The following MMP26 variants were observed in gnomAD, a reference collection of about 807,000 sequenced individuals.
MMP26 encodes the protein matrix metallopeptidase 26, also known as matrix metalloproteinase-26.
In MMP26, 33 loss-of-function variants were observed where a neutral mutation model predicts 31.0. The observed-to-expected ratio is 1.06, with a 90% CI of 0.81 to 1.42. MMP26 has a LOEUF of 1.42. Ranked by LOEUF, MMP26 falls within the 40% of genes most tolerant of loss-of-function variation. MMP26 has a pLI of 0.00. For synonymous variants in MMP26, 122 were observed against 114.9 expected (o/e 1.06, Z -0.40); for missense variants, 347 against 316.1 (o/e 1.10, Z -0.74).
At chr11:4,724,246 C>T in intron 1 of MMP26, 3 of 404,558 alleles carry the variant, frequency 7.4e-6, no homozygotes, top group Non-Finnish European at 9.0e-6. Flanking sequence ...GGTCTTATTA[C>T]CATAAGTCTT....
At chr11:4,915,658 G>T in intron 2 of MMP26, 1 of 1,609,940 alleles carries the variant, frequency 6.2e-7, no homozygotes, top group Non-Finnish European at 8.5e-7. Context: ...GGGATCCCAG[G>T]GTCATTGTGT....
Position 4,987,824 on chromosome 11 carries a change from G to T in MMP26, c.-144-244G>T, listed in dbSNP as rs890423162. On this transcript the variant is annotated intron_variant, in intron 2 of 7. Coordinates refer to ENST00000380390, the MANE Select transcript of MMP26 (RefSeq NM_021801.5). ...TCTTTTTAGCTTCTGGAGCAAGATT[G>T]AATGTCTCTGACTGGTAATTATTCT... 2.3e-4 allele frequency among the ~76,000 whole-genome samples: 35 copies of T among 152,234 alleles called. 1 individual carries two copies. The highest frequency in any genetic ancestry group is 3.4e-3 in the Middle Eastern group (1 of 294).
intron 2 of MMP26, chr11:4,860,410 T>C (rs1204330374): frequency 8.5e-6 from 4 of 471,056 alleles, no homozygotes; most frequent in East Asian, 6.9e-5. Flanking sequence ...TGGCTCCACC[T>C]TGATGACAGC....
Position 4,933,479 on chromosome 11 carries a change from A to T in MMP26, c.-144-54589A>T, listed in dbSNP as rs563828806. The stretch of plus-strand genomic sequence containing the variant: ...ACGGTATGTAAAATGATTAAGAAAG[A>T]CAGAAAGATTGATTTTTTTTTTTAA... On this transcript the variant is annotated intron_variant, in intron 2 of 7. Coordinates refer to ENST00000380390, the MANE Select transcript of MMP26 (RefSeq NM_021801.5). 8.4e-5 allele frequency among the ~76,000 whole-genome samples: 3 copies of T among 35,804 alleles called. No individual in the cohort carries two copies. The South Asian group carries it at 1.5e-3, about 18-fold the overall frequency. 23.5% of individuals were successfully genotyped at this position (35,804 alleles called of 152,430 possible).
chr11:4,803,502 G>A (rs531784866), intron 2 of MMP26: 2 of 1,614,080 alleles, frequency 1.2e-6, no homozygotes, highest in African/African-American at 1.3e-5. Context: ...CTCCATAAAT[G>A]ATGGGGTTGA....
intron 2 of MMP26, among the ~76,000 whole-genome samples, chr11:4,781,178 A>G (rs961496282): frequency 6.6e-6 from 1 of 152,194 alleles, no homozygotes; most frequent in African/African-American, 2.4e-5. Flanking sequence ...AGTGTTATCT[A>G]TTTTGATTGT....
intron 2 of MMP26, among the ~76,000 whole-genome samples, chr11:4,779,652 A>G (rs1302250001): frequency 6.6e-6 from 1 of 152,106 alleles, no homozygotes; most frequent in Non-Finnish European, 1.5e-5. Context: ...TTGAATTCAC[A>G]TTTGAATTTC....
chr11:4,975,799 A>G (rs117146238), intron 2 of MMP26, among the ~76,000 whole-genome samples: 1 of 152,066 alleles, frequency 6.6e-6, no homozygotes, highest in East Asian at 1.9e-4. Flanking sequence ...TCTCTAGCGA[A>G]CATTCTCCCA....
At chr11:4,730,404 A>AAGAGACAGAGAGAG (rs141091963) in intron 1 of MMP26, among the ~76,000 whole-genome samples, 2 of 144,950 alleles carry the variant, frequency 1.4e-5, no homozygotes, top group African/African-American at 5.3e-5. Flanking sequence ...GTTTCTGGGA[A>AAGAGACAGAGAGAG]AGAGAGAGAG....
At chr11:4,916,188 T>C (rs1475638726) in intron 2 of MMP26, among the ~76,000 whole-genome samples, 1 of 151,966 alleles carries the variant, frequency 6.6e-6, no homozygotes, top group Non-Finnish European at 1.5e-5. Flanking sequence ...GAGGGAGAAT[T>C]CAGCCTCCCT....
intron 1 of MMP26, among the ~76,000 whole-genome samples, chr11:4,756,212 A>T (rs895066332): frequency 1.3e-5 from 2 of 152,142 alleles, no homozygotes; most frequent in Non-Finnish European, 2.9e-5. Flanking sequence ...ACTTAGTTCA[A>T]TTTGGAGAAT....
At chr11:4,712,925 A>G (rs10836516) in intron 1 of MMP26, among the ~76,000 whole-genome samples, 80,898 of 151,736 alleles carry the variant, frequency 0.53, 23,395 homozygotes, top group Non-Finnish European at 0.63. Context: ...TTTATAGTCC[A>G]TCTGAAACAA....
intron 2 of MMP26, among the ~76,000 whole-genome samples, chr11:4,851,214 C>A (rs899654138): frequency 6.6e-6 from 1 of 152,170 alleles, no homozygotes; most frequent in African/African-American, 2.4e-5. Context: ...CATTCCACTG[C>A]CTCCAGCTCT....
At chr11:4,892,166 T>G (rs973161018) in intron 2 of MMP26, among the ~76,000 whole-genome samples, 1 of 152,112 alleles carries the variant, frequency 6.6e-6, no homozygotes, top group African/African-American at 2.4e-5. Flanking sequence ...AGAATGAGAC[T>G]ATCATGAGTC....
chr11:4,769,062 G>A, intron 2 of MMP26: 1 of 1,560,822 alleles, frequency 6.4e-7, no homozygotes, highest in Non-Finnish European at 8.7e-7. Flanking sequence ...AGCACAGGGG[G>A]TAAAAGCAGG....
intron 2 of MMP26, chr11:4,915,678 AG>A: frequency 6.3e-7 from 1 of 1,592,752 alleles, no homozygotes; most frequent in African/African-American, 1.3e-5. Flanking sequence ...TGAGGAGACA[AG>A]GGGGAAGGTG....
chr11:4,880,203 C>T (rs1413114028), intron 2 of MMP26, among the ~76,000 whole-genome samples: 1 of 152,048 alleles, frequency 6.6e-6, no homozygotes, highest in Non-Finnish European at 1.5e-5. Flanking sequence ...GCCTATAAAG[C>T]CCTCGCTTTT....
At chr11:4,757,354 G>GT (rs1848517195) in intron 1 of MMP26, among the ~76,000 whole-genome samples, 1 of 151,952 alleles carries the variant, frequency 6.6e-6, no homozygotes, top group African/African-American at 2.4e-5. Flanking sequence ...AGACCTAAAT[G>GT]TAAGAGCTAA....
chr11:4,891,723 G>A (rs970271218), intron 2 of MMP26, among the ~76,000 whole-genome samples: 5 of 152,256 alleles, frequency 3.3e-5, no homozygotes, highest in African/African-American at 1.2e-4. Context: ...TCATAATGGT[G>A]CTCTCCATCT....
Sources: allele counts gnomAD v4.1 joint callset (sites outside exome capture counted in the v4.1 genomes callset), GRCh38; gene constraint gnomAD v4.1.1; transcripts MANE v1.5; gene names NCBI Gene and HGNC (gene_info 2026-07-23, HGNC 2026-07-21).